The following SLIT2 variants were observed in gnomAD, a reference collection of about 807,000 sequenced individuals.
The protein encoded by SLIT2 is slit homolog 2 protein.
A neutral mutation model predicts 185.7 loss-of-function variants in SLIT2; 41 were observed. The ratio of observed to expected loss-of-function variants is 0.22; its 90% CI spans 0.17 to 0.29. SLIT2 has a LOEUF of 0.29. Ranked by LOEUF, SLIT2 falls within the 10% of genes least tolerant of loss-of-function variation. The probability of loss-of-function intolerance (pLI) is 1.00; values close to 1 mark genes in which losing one functional copy is unlikely to be tolerated. For missense variants in SLIT2, 1,571 were observed against 1,909.0 expected, an observed-to-expected ratio of 0.82 and a Z score of 3.30; for synonymous variants, 693 against 680.2, an observed-to-expected ratio of 1.02 and a Z score of -0.29.
intron 4 of SLIT2, among the ~76,000 whole-genome samples, chr4:20,371,334 C>G (rs1397222138): frequency 6.6e-6 from 1 of 151,948 alleles, no homozygotes; most frequent in African/African-American, 2.4e-5. Context: ...ACTCAGATAC[C>G]ACTCCACCAC....
At chr4:20,554,215 G>C in intron 26 of SLIT2, 1 of 573,666 alleles carries the variant, frequency 1.7e-6, no homozygotes, top group Admixed American at 2.5e-5. Context: ...ATCAAAAAAC[G>C]TAGAGTTCAC....
intron 26 of SLIT2, among the ~76,000 whole-genome samples, chr4:20,565,012 G>T (rs1056868953): frequency 1.1e-4 from 16 of 151,948 alleles, no homozygotes; most frequent in Admixed American, 6.6e-4. Flanking sequence ...CTTCAGCCAG[G>T]CAATGATGCT....
At chr4:20,461,414 A>C (rs530126834) in intron 4 of SLIT2, among the ~76,000 whole-genome samples, 1 of 152,154 alleles carries the variant, frequency 6.6e-6, no homozygotes, top group African/African-American at 2.4e-5. Flanking sequence ...GATAAGGTCA[A>C]AAAGGGTGTG....
chr4:20,357,548 C>T (rs959381382), intron 4 of SLIT2, among the ~76,000 whole-genome samples: 1 of 151,934 alleles, frequency 6.6e-6, no homozygotes, highest in Non-Finnish European at 1.5e-5. Flanking sequence ...TACATAATAC[C>T]TATATATCAT....
intron 4 of SLIT2, among the ~76,000 whole-genome samples, chr4:20,329,057 T>C (rs1159903224): frequency 6.6e-6 from 1 of 152,068 alleles, no homozygotes; most frequent in Non-Finnish European, 1.5e-5. Flanking sequence ...GTCACAGATA[T>C]CTTCAGCTAA....
At chr4:20,410,352 G>A (rs1427253465) in intron 4 of SLIT2, among the ~76,000 whole-genome samples, 1 of 145,844 alleles carries the variant, frequency 6.9e-6, no homozygotes, top group Admixed American at 7.0e-5. Flanking sequence ...AGGTTCAAGC[G>A]ATTCTACTGC....
At chr4:20,557,195 A>G (rs971250359) in intron 26 of SLIT2, among the ~76,000 whole-genome samples, 1 of 152,070 alleles carries the variant, frequency 6.6e-6, no homozygotes, top group Non-Finnish European at 1.5e-5. Context: ...AAGATAATTG[A>G]TGAAGGTGGT....
At chr4:20,357,663 G>A (rs73238750) in intron 4 of SLIT2, among the ~76,000 whole-genome samples, 11,171 of 152,054 alleles carry the variant, frequency 0.073, 549 homozygotes, top group Non-Finnish European at 0.11. Context: ...GATATAGGAT[G>A]TGAAAAGAAA....
chr4:20,438,629 A>G (rs1387607239), intron 4 of SLIT2, among the ~76,000 whole-genome samples: 1 of 152,130 alleles, frequency 6.6e-6, no homozygotes. Flanking sequence ...CTCCCACACC[A>G]GCCCTTACCT....
chr4:20,268,568 C>T (rs984887691), intron 3 of SLIT2, among the ~76,000 whole-genome samples: 1 of 151,824 alleles, frequency 6.6e-6, no homozygotes, highest in African/African-American at 2.4e-5. Flanking sequence ...TGATGTTGCA[C>T]AGGATTTCAG....
chr4:20,278,695 G>A (rs2109049718), intron 4 of SLIT2, among the ~76,000 whole-genome samples: 1 of 151,694 alleles, frequency 6.6e-6, no homozygotes, highest in South Asian at 2.1e-4. Flanking sequence ...TGAAAGACAA[G>A]AGAAAGAGAG....
At chr4:20,467,160 T>C (rs1302414448) in intron 4 of SLIT2, among the ~76,000 whole-genome samples, 2 of 152,210 alleles carry the variant, frequency 1.3e-5, no homozygotes, top group African/African-American at 2.4e-5. Context: ...ATAGAATTAT[T>C]TAAAGAAGGT....
At chr4:20,314,684 G>A (rs1211441109) in intron 4 of SLIT2, among the ~76,000 whole-genome samples, 1 of 152,026 alleles carries the variant, frequency 6.6e-6, no homozygotes, top group African/African-American at 2.4e-5. Context: ...AAAGTTAGTT[G>A]TTTTTCATAT....
intron 4 of SLIT2, among the ~76,000 whole-genome samples, chr4:20,377,497 T>A (rs1724123108): frequency 2.0e-5 from 3 of 152,104 alleles, no homozygotes; most frequent in Non-Finnish European, 4.4e-5. Flanking sequence ...TAAGTAGGGA[T>A]CCATAGAAGA....
chr4:20,278,519 T>C (rs1244656112), intron 4 of SLIT2, among the ~76,000 whole-genome samples: 2 of 152,120 alleles, frequency 1.3e-5, no homozygotes, highest in Non-Finnish European at 2.9e-5. Context: ...CAAAGCGACT[T>C]TTCTACCCAG....
intron 5 of SLIT2, among the ~76,000 whole-genome samples, chr4:20,470,209 C>G (rs1714832225): frequency 6.6e-6 from 1 of 151,986 alleles, no homozygotes; most frequent in Non-Finnish European, 1.5e-5. Context: ...TAAAAGTTAA[C>G]CCTAAAAAAT....
intron 4 of SLIT2, among the ~76,000 whole-genome samples, chr4:20,388,888 CATAAT>C (rs1197461918): frequency 2.3e-5 from 3 of 133,078 alleles, no homozygotes; most frequent in East Asian, 2.1e-4. Context: ...ATATATAAAA[CATAAT>C]ATATATAATA....
intron 22 of SLIT2, among the ~76,000 whole-genome samples, chr4:20,546,431 A>G (rs1723258712): frequency 6.6e-6 from 1 of 152,152 alleles, no homozygotes; most frequent in Non-Finnish European, 1.5e-5. Flanking sequence ...GGAAGGAAAG[A>G]TAGAAAACGA....
chr4:20,392,666 A>T (rs1725520424), intron 4 of SLIT2, among the ~76,000 whole-genome samples: 1 of 152,100 alleles, frequency 6.6e-6, no homozygotes, highest in East Asian at 1.9e-4. Flanking sequence ...TTATATCTTT[A>T]TAAGTGCTTT....
Sources: gnomAD v4.1 joint callset for allele counts (sites outside exome capture counted in the v4.1 genomes callset) on GRCh38, gnomAD v4.1.1 for gene constraint, MANE v1.5 for transcripts, NCBI Gene and HGNC (gene_info 2026-07-23, HGNC 2026-07-21) for gene names.